DSE: variants seen among roughly 807,000 people sequenced by gnomAD.
DSE encodes the protein dermatan sulfate epimerase, also known as dermatan-sulfate epimerase.
In DSE, 36 loss-of-function variants were observed where a neutral mutation model predicts 84.4. That is an observed-to-expected ratio of 0.43 (90% CI 0.33 to 0.56). The LOEUF is 0.56. DSE is among the 20% of genes least tolerant of loss of function. DSE has a pLI of 0.06. For missense variants in DSE, 862 were observed against 1,169.6 expected, an observed-to-expected ratio of 0.74 and a Z score of 3.84; for synonymous variants, 410 against 430.1, an observed-to-expected ratio of 0.95 and a Z score of 0.58.
chr6:116,300,462 C>T (rs1774967977), intron 2 of DSE, among the ~76,000 whole-genome samples: 1 of 152,018 alleles, frequency 6.6e-6, no homozygotes, highest in South Asian at 2.1e-4. Context: ...GATAAAATTC[C>T]ACAGTATTGA....
At chr6:116,282,181 C>G (rs1357187182) in intron 2 of DSE, among the ~76,000 whole-genome samples, 1 of 152,180 alleles carries the variant, frequency 6.6e-6, no homozygotes, top group South Asian at 2.1e-4. Context: ...GCATTTCTCT[C>G]TACAAGTGAT....
chr6:116,371,514 G>T (rs1184688066), intron 1 of DSE, among the ~76,000 whole-genome samples: 3 of 152,238 alleles, frequency 2.0e-5, no homozygotes, highest in Non-Finnish European at 4.4e-5. Context: ...ACTCTGCGGG[G>T]TTGGGTGGCA....
chr6:116,299,502 TTTTATATA>T (rs1266415096), intron 2 of DSE, among the ~76,000 whole-genome samples: 8,856 of 47,046 alleles, frequency 0.19, 1,078 homozygotes, highest in Middle Eastern at 0.21. Context: ...CTTGAATTAT[TTTTATATA>T]TATATATATA....
chr6:116,444,619 G>A lies in DSE; in HGVS notation c.*7274G>A, dbSNP rs942067113. The A allele has an allele frequency of 2.0e-5, 3 of 152,190 alleles. No homozygotes were observed. Among genetic ancestry groups the A allele is most frequent in the Non-Finnish European group, 2.9e-5 (2 of 68,028 alleles). The allele number at this position is 152,190 out of a possible 1,614,324, so 9.4% of individuals were successfully genotyped here. A position where few individuals can be genotyped will look rare whatever the true frequency, so the allele number is the denominator to read the frequency against. ...ATCCTTAATGTGATAGTATTAGGAT[G>A]TGGGGCCTTTGGAAAGTGATTAGGT... is the stretch of plus-strand genomic sequence containing the variant. On this transcript the variant is annotated 3_prime_UTR_variant, in exon 6 of 6. Transcript: ENST00000644252.
chr6:116,397,850 A>G (rs1007875993), intron 1 of DSE, among the ~76,000 whole-genome samples: 1 of 152,232 alleles, frequency 6.6e-6, no homozygotes. Context: ...CGAGTTTCAT[A>G]TATAGGTAGA....
chr6:116,373,006 TTC>T (rs1779696573), intron 1 of DSE, among the ~76,000 whole-genome samples: 1 of 151,654 alleles, frequency 6.6e-6, no homozygotes, highest in Middle Eastern at 3.4e-3. Flanking sequence ...AAAAAGTACA[TTC>T]TGACAGTTTA....
intron 1 of DSE, 85 bp from the exon 2 acceptor site, chr6:116,399,113 A>T: frequency 9.3e-7 from 1 of 1,076,960 alleles, no homozygotes; most frequent in Non-Finnish European, 1.3e-6. Flanking sequence ...ATTTTCACAT[A>T]TGGTTTCTAC....
upstream of DSE, chr6:116,366,357 G>A (rs373762511): frequency 2.6e-5 from 4 of 152,190 alleles, no homozygotes; most frequent in African/African-American, 7.2e-5. Flanking sequence ...TTTAATAAAC[G>A]TGCCCTCTGC....
At chr6:116,295,143 G>A (rs983551209) in intron 2 of DSE, among the ~76,000 whole-genome samples, 2 of 152,176 alleles carry the variant, frequency 1.3e-5, no homozygotes, top group Non-Finnish European at 2.9e-5. Flanking sequence ...TGTGGCGGTT[G>A]GAGGAGCTTC....
intron 1 of DSE, among the ~76,000 whole-genome samples, chr6:116,394,958 C>T (rs1011474794): frequency 1.3e-5 from 2 of 152,202 alleles, no homozygotes; most frequent in African/African-American, 4.8e-5. Context: ...CGAAGTGCAA[C>T]TTAAAGATTT....
chr6:116,431,133 C>A lies in DSE; in HGVS notation c.850C>A (p.His284Asn), dbSNP rs1783809701. 1 of 1,614,050 alleles carries A rather than the reference C, an allele frequency of 6.2e-7. No homozygotes were observed. The highest frequency in any genetic ancestry group is 1.3e-5 in the African/African-American group (1 of 74,912). Residue 284 changes from histidine (H) to asparagine (N), a missense_variant, in exon 4 of 6, where the codon CAC becomes AAC. This residue lies in a region of DSE where 309 missense variants were observed against 516.9 expected (regional missense o/e 0.60). Coordinates refer to ENST00000644252, the MANE Select transcript of DSE (RefSeq NM_013352.4). ...CGTCCAGAGGCACTTCAACATCAACCACTTTGGCCATCCGTGGCTTAAACA... is the reference window on the plus strand; with the variant it reads ...CGTCCAGAGGCACTTCAACATCAACAACTTTGGCCATCCGTGGCTTAAACA... ...FLVQRHFNINHFGHPWLKQHF... is the reference protein window; with the variant it reads ...FLVQRHFNINNFGHPWLKQHF...
At chr6:116,340,046 C>T (rs906009425) in intron 2 of DSE, among the ~76,000 whole-genome samples, 3 of 152,144 alleles carry the variant, frequency 2.0e-5, no homozygotes, top group African/African-American at 7.2e-5. Context: ...AGTAAAGAAA[C>T]AGTCAAGTAG....
chr6:116,304,559 T>C (rs1406504037), intron 2 of DSE, among the ~76,000 whole-genome samples: 1 of 152,162 alleles, frequency 6.6e-6, no homozygotes, highest in African/African-American at 2.4e-5. Flanking sequence ...CAGGTCAGGT[T>C]TTGCTGCCAA....
At chr6:116,336,261 A>G (rs1777245257) in intron 2 of DSE, among the ~76,000 whole-genome samples, 1 of 152,254 alleles carries the variant, frequency 6.6e-6, no homozygotes, top group African/African-American at 2.4e-5. Context: ...CTAAATAGTT[A>G]TCTAGCATTT....
chr6:116,324,318 A>G (rs1055024804), intron 2 of DSE, among the ~76,000 whole-genome samples: 1 of 152,238 alleles, frequency 6.6e-6, no homozygotes, highest in Admixed American at 6.5e-5. Context: ...GGCAAGATCC[A>G]GGAAAGCAAA....
chr6:116,265,172 G>A (rs941922618), intron 2 of DSE, among the ~76,000 whole-genome samples: 1 of 152,180 alleles, frequency 6.6e-6, no homozygotes, highest in Non-Finnish European at 1.5e-5. Context: ...CAGGGGTGGG[G>A]AGTGGAAGGA....
intron 2 of DSE, among the ~76,000 whole-genome samples, chr6:116,293,228 A>T (rs928564912): frequency 2.0e-5 from 3 of 152,004 alleles, no homozygotes; most frequent in African/African-American, 7.2e-5. Context: ...ATTTGCTCAG[A>T]TGTGATATTG....
chr6:116,309,476 G>T (rs1173759936), intron 2 of DSE, among the ~76,000 whole-genome samples: 1 of 152,140 alleles, frequency 6.6e-6, no homozygotes, highest in Non-Finnish European at 1.5e-5. Context: ...TAGTATTTAT[G>T]TATTAGTAGA....
At chr6:116,278,875 C>G in intron 2 of DSE, 1 of 1,614,158 alleles carries the variant, frequency 6.2e-7, no homozygotes, top group Non-Finnish European at 8.5e-7. Flanking sequence ...CTTGAACTTG[C>G]AACCGGTTCT....
Sources: gnomAD v4.1 joint callset for allele counts (sites outside exome capture counted in the v4.1 genomes callset) on GRCh38, gnomAD v4.1.1 for gene constraint, gnomAD v4.1.1 regional missense constraint, MANE v1.5 for transcripts, NCBI Gene and HGNC (gene_info 2026-07-23, HGNC 2026-07-21) for gene names.